DHH: variants seen among roughly 807,000 people sequenced by gnomAD.
DHH encodes the protein desert hedgehog signaling molecule, also known as desert hedgehog protein.
DHH carries 16 observed loss-of-function variants against 27.6 expected under a neutral mutation model. That is an observed-to-expected ratio of 0.58 (90% confidence interval 0.39 to 0.88). The LOEUF is 0.88. DHH is among the 40% of genes least tolerant of loss of function. The pLI, the probability that DHH is intolerant of heterozygous loss-of-function variation, is 0.00. For synonymous variants in DHH, 289 were observed against 263.4 expected (o/e 1.10, Z -0.94); for missense variants, 436 against 563.1 (o/e 0.77, Z 2.28).
Position 49,089,691 on chromosome 12 carries a change from ACCT to A in DHH, c.*165_*167del, listed in dbSNP as rs1292532742. On this transcript the variant is annotated 3_prime_UTR_variant, in exon 3 of 3. Coordinates refer to ENST00000649637, the MANE Select transcript of DHH (RefSeq NM_021044.4). The stretch of plus-strand genomic sequence containing the variant: ...CCCTACCTACCTAGGACCCGGTATC[ACCT>A]CCTCTCAGTACGAGGTTGCCCCTAA... 2 of 844,620 alleles carry A rather than the reference ACCT, an allele frequency of 2.4e-6. No homozygotes were observed. The highest frequency in any genetic ancestry group is 3.4e-6 in the Non-Finnish European group (2 of 588,492). The allele number at this position is 844,620 out of a possible 1,614,324, so 52.3% of individuals were successfully genotyped here.
In DHH at chr12:49,090,030, C is replaced by T. The variant is rs1396557143; in HGVS notation, c.1020G>A (p.Leu340=). The change falls in exon 3 of 3, where the codon CTG becomes CTA. Residue 340 remains leucine (L), a synonymous_variant. Coordinates refer to ENST00000649637, the MANE Select transcript of DHH (RefSeq NM_021044.4). This position sits in a 1 kb window ranked among gnomAD's most constrained non-coding sequence, Gnocchi z 5.2. ...TCTCCAGAACCGCGTAGCAAGAGGC[C>T]AGGACATCGTTCACCAGCAGCGTCC... is the stretch of plus-strand genomic sequence containing the variant. ...AHGTLLVNDV[L]ASCYAVLESH... The T allele has an allele frequency of 6.4e-7, 1 of 1,553,790 alleles. No homozygotes were observed.
In DHH at chr12:49,094,345, G is replaced by A. The variant is rs1231087933; in HGVS notation, c.168C>T (p.Thr56=). 6.2e-7 allele frequency: 1 copy of A among 1,613,078 alleles called. No individual in the cohort carries two copies. The highest frequency in any genetic ancestry group is 8.5e-7 in the Non-Finnish European group (1 of 1,179,918). Residue 56 remains threonine, a synonymous_variant, in exon 1 of 3, where the codon ACC becomes ACT. Transcript: ENST00000649637. ...KQFVPGVPER[T]LGASGPAEGR... is the part of the protein sequence containing the mutation. ...CCTCCGCTGGCCCACTGGCGCCCAG[G>A]GTCCGCTCTGGCACGCCGGGCACAA...
In DHH at chr12:49,089,916, A is replaced by C. The variant is rs144444357; in HGVS notation, c.1134T>G (p.Thr378=). 1 of 1,592,262 alleles carries C rather than the reference A, an allele frequency of 6.3e-7. No individual in the cohort carries two copies. Among genetic ancestry groups the C allele is most frequent in the Non-Finnish European group, 8.5e-7 (1 of 1,170,220 alleles). Residue 378 remains threonine (T), a synonymous_variant, in exon 3 of 3, where the codon ACT becomes ACG. Transcript: ENST00000649637. ...ALLPGGAVQP[T]GMHWYSRLLY... Reference sequence around the variant, plus strand: ...GGAGCCGAGAGTACCAATGCATGCCAGTCGGCTGGACGGCCCCGCCGGGGA... The same window carrying C: ...GGAGCCGAGAGTACCAATGCATGCCCGTCGGCTGGACGGCCCCGCCGGGGA...
rs1302661609 is a variant in DHH, at chr12:49,090,317, G to T, written c.733C>A (p.Arg245=). ...AATGAAGCCCGGCGCTGCAAGTCCC[G>T]GTCCAGGAAGAGCAGCACCGGCGTG... is the stretch of plus-strand genomic sequence containing the variant. ...VPTPVLLFLD[R]DLQRRASFVA... is the part of the protein sequence containing the mutation. Residue 245 remains arginine, a synonymous_variant, in exon 3 of 3, where the codon CGG becomes AGG. Coordinates refer to ENST00000649637, the MANE Select transcript of DHH (RefSeq NM_021044.4). This position sits in a 1 kb window ranked among gnomAD's most constrained non-coding sequence, Gnocchi z 5.2. 6.2e-7 allele frequency: 1 copy of T among 1,602,128 alleles called. No homozygotes were observed. Among genetic ancestry groups the T allele is most frequent in the East Asian group, 2.2e-5 (1 of 44,454 alleles).
rs772856431 is a variant in DHH, at chr12:49,094,392, C to A, written c.121G>T (p.Val41Leu). The change falls in exon 1 of 3, where the codon GTG (valine) becomes TTG (leucine). Residue 41 changes from valine (V) to leucine (L), a missense_variant. Transcript: ENST00000649637. ...GRRRYARKQL[V>L]PLLYKQFVPG... ...ACAAATTGCTTGTAGAGTAGCGGCA[C>A]GAGCTGCTTGCGCGCATAGCGGCGC... 30 of 1,612,366 alleles carry A rather than the reference C, an allele frequency of 1.9e-5. No homozygotes were observed. The highest frequency in any genetic ancestry group is 2.5e-5 in the Non-Finnish European group (29 of 1,179,646).
chr12:49,087,185 G>A lies in DHH; in HGVS notation c.*2674C>T, dbSNP rs1274458458. On this transcript the variant is annotated 3_prime_UTR_variant, in exon 3 of 3. Coordinates refer to ENST00000649637, the MANE Select transcript of DHH (RefSeq NM_021044.4). ...GGTGCGCATTGCCGCTTGAAGGCAAGTCATGGATTTTTTTTTTTTTTGAGA... is the reference window on the plus strand; with the variant it reads ...GGTGCGCATTGCCGCTTGAAGGCAAATCATGGATTTTTTTTTTTTTTGAGA... 6.9e-6 allele frequency among the ~76,000 whole-genome samples: 1 copy of A among 144,740 alleles called. No individual in the cohort carries two copies. Among genetic ancestry groups the A allele is most frequent in the Non-Finnish European group, 1.5e-5 (1 of 66,242 alleles). The allele number at this position is 144,740 out of a possible 152,430, so 95.0% of individuals were successfully genotyped here.
At chr12:49,093,811 T>A (rs1939344883) in intron 1 of DHH, among the ~76,000 whole-genome samples, 1 of 152,154 alleles carries the variant, frequency 6.6e-6, no homozygotes, top group Admixed American at 6.5e-5. Context: ...TACAATCAGG[T>A]CAGGAGCCAG....
rs770909824 is a variant in DHH at position 49,094,451 on chromosome 12, T to C, written c.62A>G (p.Gln21Arg). The C allele has an allele frequency of 6.3e-7, 1 of 1,596,000 alleles. No homozygotes were observed. The highest frequency in any genetic ancestry group is 8.5e-7 in the Non-Finnish European group (1 of 1,171,794). The change falls in exon 1 of 3, where the codon CAG (glutamine) becomes CGG (arginine). Residue 21 changes from glutamine (Q) to arginine (R), a missense_variant. Transcript: ENST00000649637. ...CCLALLALPAQSCGPGRGPVG... is the reference protein window; with the variant it reads ...CCLALLALPARSCGPGRGPVG... Reference sequence around the variant, plus strand: ...CGGCCCCCGGCCCGGCCCGCAGCTCTGGGCTGGCAGCGCCAGAAGTGCCAA... The same window carrying C: ...CGGCCCCCGGCCCGGCCCGCAGCTCCGGGCTGGCAGCGCCAGAAGTGCCAA...
rs1348905788 is a variant in DHH, at chr12:49,086,818, C to A, written c.*3041G>T. 6.6e-6 allele frequency among the ~76,000 whole-genome samples: 1 copy of A among 152,214 alleles called. No homozygotes were observed. The highest frequency in any genetic ancestry group is 1.5e-5 in the Non-Finnish European group (1 of 68,042). Reference sequence around the variant, plus strand: ...TCTATATGTAAGGAAGTCTGGACTACTACAGAAATGCTGCTAGTATACCTC... The same window carrying A: ...TCTATATGTAAGGAAGTCTGGACTAATACAGAAATGCTGCTAGTATACCTC... On this transcript the variant is annotated 3_prime_UTR_variant, in exon 3 of 3. Coordinates refer to ENST00000649637, the MANE Select transcript of DHH (RefSeq NM_021044.4).
At chr12:49,093,973 T>G (rs745588946) in intron 1 of DHH, among the ~76,000 whole-genome samples, 1 of 152,152 alleles carries the variant, frequency 6.6e-6, no homozygotes, top group African/African-American at 2.4e-5. Context: ...CTCTACCAGC[T>G]TCACTCTCAC....
chr12:49,090,139 C>T lies in DHH; in HGVS notation c.911G>A (p.Gly304Asp). Residue 304 changes from glycine to aspartate, a missense_variant, in exon 3 of 3, where the codon GGC becomes GAC. Gly to Asp is a moderately conservative substitution (Grantham distance 94). Coordinates refer to ENST00000649637, the MANE Select transcript of DHH (RefSeq NM_021044.4). The surrounding 1 kb of genome is among the most constrained non-coding windows in gnomAD (Gnocchi z 5.2). ...LRAGDSVLAPGGDALRPARVA... is the reference protein window; with the variant it reads ...LRAGDSVLAPDGDALRPARVA... ...GCGCGCTGGCCGAAGCGCATCCCCGCCGGGCGCCAGCACCGAGTCCCCAGC... is the reference window on the plus strand; with the variant it reads ...GCGCGCTGGCCGAAGCGCATCCCCGTCGGGCGCCAGCACCGAGTCCCCAGC... The T allele has an allele frequency of 1.3e-6, 2 of 1,511,058 alleles. No individual in the cohort carries two copies. Among genetic ancestry groups the T allele is most frequent in the Non-Finnish European group, 1.8e-6 (2 of 1,130,406 alleles). 93.6% of individuals were successfully genotyped at this position (1,511,058 alleles called of 1,614,324 possible). A position where few individuals can be genotyped will look rare whatever the true frequency, so the allele number is the denominator to read the frequency against.
Position 49,091,357 on chromosome 12 carries a change from A to G in DHH, c.336T>C (p.Ile112=), listed in dbSNP as rs953822667. The G allele has an allele frequency of 6.2e-7, 1 of 1,614,190 alleles. No homozygotes were observed. The highest frequency in any genetic ancestry group is 1.3e-5 in the African/African-American group (1 of 75,052). The change falls in exon 2 of 3, where the codon ATT becomes ATC. Residue 112 remains isoleucine (I), a synonymous_variant. Transcript: ENST00000649637. The surrounding 1 kb of genome is among the most constrained non-coding windows in gnomAD (Gnocchi z 4.8). The stretch of plus-strand genomic sequence containing the variant: ...CTCCGGGCCACATGTTCATCACGGC[A>G]ATGGCCAAAGCGTTCACCCGCTCCT... ...RCKERVNALA[I]AVMNMWPGVR...
chr12:49,090,565 A>G lies in DHH; in HGVS notation c.566-81T>C. The G allele has an allele frequency of 6.5e-7, 1 of 1,548,456 alleles. No homozygotes were observed. Among genetic ancestry groups the G allele is most frequent in the East Asian group, 2.3e-5 (1 of 43,442 alleles). ...TCTCAAGGCCAGCGCAGATATCGCCAGTCATGGACAACACAATTTTCCGTT... is the reference window on the plus strand; with the variant it reads ...TCTCAAGGCCAGCGCAGATATCGCCGGTCATGGACAACACAATTTTCCGTT... On this transcript the variant is annotated intron_variant, in intron 2 of 2. Coordinates refer to ENST00000649637, the MANE Select transcript of DHH (RefSeq NM_021044.4). This position sits in a 1 kb window ranked among gnomAD's most constrained non-coding sequence, Gnocchi z 5.2.
In DHH at chr12:49,090,411, C is replaced by T; in HGVS notation, c.639G>A (p.Arg213=). ...NATVRLWSGE[R]KGLRELHRGD... is the part of the protein sequence containing the mutation. ...CGCGGTGCAGTTCCCGCAGCCCTTT[C>T]CGCTCGCCGCTCCACAGGCGCACAG... Residue 213 remains arginine (R), a synonymous_variant, in exon 3 of 3, where the codon CGG becomes CGA. Transcript: ENST00000649637. The surrounding 1 kb of genome is among the most constrained non-coding windows in gnomAD (Gnocchi z 5.2). 1.2e-6 allele frequency: 2 copies of T among 1,609,462 alleles called. No individual in the cohort carries two copies. The highest frequency in any genetic ancestry group is 1.7e-6 in the Non-Finnish European group (2 of 1,179,106).
Position 49,091,369 on chromosome 12 carries a change from G to C in DHH, c.324C>G (p.Asn108Lys). Reference sequence around the variant, plus strand: ...TGTTCATCACGGCAATGGCCAAAGCGTTCACCCGCTCCTTACAACGCTGGC... The same window carrying C: ...TGTTCATCACGGCAATGGCCAAAGCCTTCACCCGCTCCTTACAACGCTGGC... Reference protein sequence around the residue: ...LMTERCKERVNALAIAVMNMW... With the variant: ...LMTERCKERVKALAIAVMNMW... Residue 108 changes from asparagine to lysine, a missense_variant, in exon 2 of 3, where the codon AAC becomes AAG. Physicochemically the swap from Asn to Lys is moderately conservative, Grantham distance 94. Coordinates refer to ENST00000649637, the MANE Select transcript of DHH (RefSeq NM_021044.4). This position sits in a 1 kb window ranked among gnomAD's most constrained non-coding sequence, Gnocchi z 4.8. 1 of 1,614,190 alleles carries C rather than the reference G, an allele frequency of 6.2e-7. No individual in the cohort carries two copies. Among genetic ancestry groups the C allele is most frequent in the Non-Finnish European group, 8.5e-7 (1 of 1,180,036 alleles).
Position 49,090,996 on chromosome 12 carries a change from C to G in DHH, c.565+132G>C. 1.4e-6 allele frequency: 2 copies of G among 1,393,486 alleles called. No individual in the cohort carries two copies. The highest frequency in any genetic ancestry group is 2.0e-6 in the Non-Finnish European group (2 of 989,548). The allele number at this position is 1,393,486 out of a possible 1,614,324, so 86.3% of individuals were successfully genotyped here. ...GGATTAGAGGCGTGAGGCACCGCCT[C>G]GGCCTGGACGGGTGGTTTTCAACAC... On this transcript the variant is annotated intron_variant, in intron 2 of 2. Coordinates refer to ENST00000649637, the MANE Select transcript of DHH (RefSeq NM_021044.4). This position sits in a 1 kb window ranked among gnomAD's most constrained non-coding sequence, Gnocchi z 5.2.
At position 49,090,398 on chromosome 12, in the gene DHH, C is replaced by T. The variant is rs773828107; in HGVS notation, c.652G>A (p.Glu218Lys). The T allele has an allele frequency of 2.5e-6, 4 of 1,609,840 alleles. No homozygotes were observed. The highest frequency in any genetic ancestry group is 2.5e-6 in the Non-Finnish European group (3 of 1,178,978). Residue 218 changes from glutamate (E) to lysine (K), a missense_variant, in exon 3 of 3, where the codon GAA (glutamate) becomes AAA (lysine). Transcript: ENST00000649637. The surrounding 1 kb of genome is among the most constrained non-coding windows in gnomAD (Gnocchi z 5.2). ...AAAACCCAGTCTCCGCGGTGCAGTT[C>T]CCGCAGCCCTTTCCGCTCGCCGCTC... ...LWSGERKGLR[E>K]LHRGDWVLAA...
Position 49,094,411 on chromosome 12 carries a change from G to A in DHH, c.102C>T (p.Arg34=), listed in dbSNP as rs1308786828. The change falls in exon 1 of 3, where the codon CGC becomes CGT. Residue 34 remains arginine, a synonymous_variant. Transcript: ENST00000649637. ...GCGGCACGAGCTGCTTGCGCGCATA[G>A]CGGCGCCGGCCAACCGGCCCCCGGC... is the stretch of plus-strand genomic sequence containing the variant. ...GPGRGPVGRR[R]YARKQLVPLL... 6.2e-7 allele frequency: 1 copy of A among 1,610,734 alleles called. No individual in the cohort carries two copies. Among genetic ancestry groups the A allele is most frequent in the Non-Finnish European group, 8.5e-7 (1 of 1,178,858 alleles).
At position 49,088,113 on chromosome 12, in the gene DHH, T is replaced by C. The variant is rs1188040763; in HGVS notation, c.*1746A>G. ...GAGGGACATGAGGCGGCAACTTTGA[T>C]ACATAAGGAAGTCTGGGCTACTACA... On this transcript the variant is annotated 3_prime_UTR_variant, in exon 3 of 3. Coordinates refer to ENST00000649637, the MANE Select transcript of DHH (RefSeq NM_021044.4). Among the ~76,000 whole-genome samples the C allele has an allele frequency of 6.6e-6, 1 of 152,150 alleles. No individual in the cohort carries two copies. The highest frequency in any genetic ancestry group is 1.5e-5 in the Non-Finnish European group (1 of 68,024).
Sources: gnomAD v4.1 joint callset for allele counts (sites outside exome capture counted in the v4.1 genomes callset) on GRCh38, gnomAD v4.1.1 for gene constraint, Gnocchi (gnomAD v3.1) non-coding constraint, MANE v1.5 for transcripts, NCBI Gene and HGNC (gene_info 2026-07-23, HGNC 2026-07-21) for gene names.